The following AMOTL1 variants were observed in gnomAD, a reference collection of about 807,000 sequenced individuals.
AMOTL1 encodes the protein angiomotin like 1, also known as angiomotin-like protein 1.
In AMOTL1, 45 loss-of-function variants were observed where a neutral mutation model predicts 102.9. The observed-to-expected ratio is 0.44, with a 90% confidence interval of 0.34 to 0.56. The LOEUF (loss-of-function observed/expected upper bound fraction) is 0.56. AMOTL1 is among the 20% of genes least tolerant of loss of function. The pLI, the probability that AMOTL1 is intolerant of heterozygous loss-of-function variation, is 0.01. For missense variants in AMOTL1, 1,114 were observed against 1,225.6 expected (o/e 0.91, Z 1.36); for synonymous variants, 481 against 484.7 (o/e 0.99, Z 0.10).
intron 2 of AMOTL1, among the ~76,000 whole-genome samples, chr11:94,733,189 C>T (rs974983): frequency 0.74 from 113,183 of 152,180 alleles, 44,479 homozygotes; most frequent in Middle Eastern, 0.89. Flanking sequence ...ATCCATTTTA[C>T]TCCTGTCTGT....
At chr11:94,792,202 G>T (rs1327507800) in intron 1 of AMOTL1, among the ~76,000 whole-genome samples, 1 of 152,170 alleles carries the variant, frequency 6.6e-6, no homozygotes, top group Non-Finnish European at 1.5e-5. Flanking sequence ...CCATCATTCT[G>T]AGCAAACTAT....
chr11:94,754,197 C>T (rs1486618665), intron 3 of AMOTL1, among the ~76,000 whole-genome samples: 2 of 152,168 alleles, frequency 1.3e-5, no homozygotes, highest in Non-Finnish European at 2.9e-5. Flanking sequence ...GCAAGGGGGA[C>T]ATGGGACCCC....
At chr11:94,869,140 G>C in intron 11 of AMOTL1, 58 bp from the exon 12 acceptor site, 1 of 1,446,068 alleles carries the variant, frequency 6.9e-7, no homozygotes, top group Non-Finnish European at 9.2e-7. Flanking sequence ...TGCAAGACTA[G>C]ATTTAAAAAA....
At chr11:94,714,798 AT>A (rs1950071574) in intron 1 of AMOTL1, among the ~76,000 whole-genome samples, 1 of 151,820 alleles carries the variant, frequency 6.6e-6, no homozygotes, top group Non-Finnish European at 1.5e-5. Flanking sequence ...AATTATATCA[AT>A]TTTTTCCACT....
At chr11:94,863,481 A>G (rs542049447) in intron 9 of AMOTL1, among the ~76,000 whole-genome samples, 1 of 152,222 alleles carries the variant, frequency 6.6e-6, no homozygotes, top group South Asian at 2.1e-4. Context: ...AATCCCAGCT[A>G]CTTGGAAGGC....
intron 1 of AMOTL1, among the ~76,000 whole-genome samples, chr11:94,714,590 T>C (rs1306055430): frequency 2.6e-5 from 4 of 152,148 alleles, no homozygotes; most frequent in African/African-American, 4.8e-5. Flanking sequence ...TTCTATTTCA[T>C]CTTGGCTGAG....
chr11:94,828,512 T>A (rs1476218303), intron 4 of AMOTL1, among the ~76,000 whole-genome samples: 1 of 152,102 alleles, frequency 6.6e-6, no homozygotes, highest in Admixed American at 6.5e-5. Context: ...CTGCCCATAA[T>A]TTAAAGTCCT....
intron 1 of AMOTL1, among the ~76,000 whole-genome samples, chr11:94,769,870 G>A (rs1950919297): frequency 6.6e-6 from 1 of 152,110 alleles, no homozygotes; most frequent in African/African-American, 2.4e-5. Context: ...GGTGGTGGTG[G>A]GGTACGTGGT....
chr11:94,738,246 G>A (rs1219466667), intron 2 of AMOTL1, among the ~76,000 whole-genome samples: 1 of 134,374 alleles, frequency 7.4e-6, no homozygotes. Flanking sequence ...AGACCAGAGA[G>A]CATAATTTTG....
chr11:94,859,234 T>A (rs1310265510), intron 8 of AMOTL1, among the ~76,000 whole-genome samples: 1 of 152,212 alleles, frequency 6.6e-6, no homozygotes, highest in Non-Finnish European at 1.5e-5. Flanking sequence ...GACCTTGACC[T>A]GTGGAGATAG....
intron 1 of AMOTL1, among the ~76,000 whole-genome samples, chr11:94,782,344 A>G (rs1044267980): frequency 6.6e-6 from 1 of 152,206 alleles, no homozygotes. Flanking sequence ...TGTATCTGCC[A>G]CCGTGAACTG....
intron 6 of AMOTL1, among the ~76,000 whole-genome samples, chr11:94,845,652 G>T (rs1952396524): frequency 6.6e-6 from 1 of 152,200 alleles, no homozygotes; most frequent in Non-Finnish European, 1.5e-5. Context: ...TCTCAGAGAG[G>T]TAAAGTCATG....
At chr11:94,792,639 C>G (rs186930112) in intron 1 of AMOTL1, among the ~76,000 whole-genome samples, 128 of 152,264 alleles carry the variant, frequency 8.4e-4, no homozygotes, top group Non-Finnish European at 1.6e-3. Flanking sequence ...GAGTGGTCAG[C>G]AGCAGTGGGA....
At chr11:94,804,198 TA>T (rs1307407490) in intron 3 of AMOTL1, among the ~76,000 whole-genome samples, 5 of 152,250 alleles carry the variant, frequency 3.3e-5, no homozygotes, top group Non-Finnish European at 7.3e-5. Flanking sequence ...GAAAACCTTG[TA>T]AAAATATTAC....
intron 6 of AMOTL1, among the ~76,000 whole-genome samples, chr11:94,845,542 T>G (rs969301592): frequency 3.9e-5 from 6 of 152,260 alleles, no homozygotes; most frequent in African/African-American, 1.4e-4. Context: ...TATAGTACTA[T>G]GTGCCAAGTC....
At chr11:94,795,208 C>T (rs773592652) in intron 2 of AMOTL1, 48 bp downstream of exon 2, 9 of 1,599,278 alleles carry the variant, frequency 5.6e-6, no homozygotes, top group Admixed American at 3.4e-5. Context: ...AATGATCTTA[C>T]GTTTCTCATC....
intron 8 of AMOTL1, among the ~76,000 whole-genome samples, chr11:94,858,838 TC>T (rs1336267718): frequency 6.6e-6 from 1 of 152,208 alleles, no homozygotes; most frequent in Non-Finnish European, 1.5e-5. Flanking sequence ...ATGAACATCC[TC>T]AGTTTGTGAG....
At chr11:94,725,712 T>G (rs1950247155) in intron 1 of AMOTL1, among the ~76,000 whole-genome samples, 1 of 151,998 alleles carries the variant, frequency 6.6e-6, no homozygotes, top group Non-Finnish European at 1.5e-5. Flanking sequence ...ATGAAGAGGG[T>G]GGGCAGGAAG....
intron 3 of AMOTL1, 71 bp from the exon 4 acceptor site, chr11:94,821,459 T>G: frequency 6.7e-7 from 1 of 1,486,682 alleles, no homozygotes. Flanking sequence ...ACAGTGCCAG[T>G]ATTGTTGGGG....
Sources: allele counts gnomAD v4.1 joint callset (sites outside exome capture counted in the v4.1 genomes callset), GRCh38; gene constraint gnomAD v4.1.1; transcripts MANE v1.5; gene names NCBI Gene and HGNC (gene_info 2026-07-23, HGNC 2026-07-21).